DLGAP1: variants seen among roughly 807,000 people sequenced by gnomAD.
DLGAP1 encodes the protein disks large-associated protein 1.
A neutral mutation model predicts 90.8 loss-of-function variants in DLGAP1; 11 were observed. That is an observed-to-expected ratio of 0.12 (90% CI 0.08 to 0.20). The LOEUF (loss-of-function observed/expected upper bound fraction) is 0.20, where lower values mean the gene tolerates loss of function less well. DLGAP1 is among the 10% of genes least tolerant of loss of function. The pLI, the probability that DLGAP1 is intolerant of heterozygous loss-of-function variation, is 1.00. For synonymous variants in DLGAP1, 558 were observed against 540.7 expected (o/e 1.03, Z -0.44); for missense variants, 1,050 against 1,333.8 (o/e 0.79, Z 3.31).
intron 3 of DLGAP1, among the ~76,000 whole-genome samples, chr18:3,939,627 T>C (rs78189754): frequency 0.011 from 1,692 of 152,314 alleles, 36 homozygotes; most frequent in African/African-American, 0.039. Context: ...GATACATATC[T>C]ACATATCTGC....
At chr18:4,432,537 T>C (rs985630896) in intron 1 of DLGAP1, among the ~76,000 whole-genome samples, 1 of 152,014 alleles carries the variant, frequency 6.6e-6, no homozygotes, top group South Asian at 2.1e-4. Context: ...TTTTGATATA[T>C]GTGTCCACTG....
chr18:3,898,604 A>G (rs1295576411), intron 3 of DLGAP1, among the ~76,000 whole-genome samples: 2 of 152,202 alleles, frequency 1.3e-5, no homozygotes, highest in African/African-American at 4.8e-5. Flanking sequence ...CATAAATTGC[A>G]TACAGCACAG....
chr18:4,235,719 C>CTTTTTTTTTTTTTTTTTTTTTTT (rs1175101805), intron 1 of DLGAP1, among the ~76,000 whole-genome samples: 1 of 80,270 alleles, frequency 1.2e-5, no homozygotes, highest in African/African-American at 5.0e-5. Flanking sequence ...ATTTCAATGT[C>CTTTTTTTTTTTTTTTTTTTTTTT]TTTTTTTTTT....
At chr18:3,996,718 C>T (rs896423800) in intron 3 of DLGAP1, among the ~76,000 whole-genome samples, 9 of 151,954 alleles carry the variant, frequency 5.9e-5, no homozygotes, top group Admixed American at 3.3e-4. Flanking sequence ...ATTCCTCTAT[C>T]TGAATAAACT....
intron 8 of DLGAP1, among the ~76,000 whole-genome samples, chr18:3,578,661 T>C (rs909543407): frequency 1.3e-5 from 2 of 151,862 alleles, no homozygotes; most frequent in African/African-American, 4.8e-5. Context: ...GGCCATTTTT[T>C]TTTTTTCTTA....
chr18:3,904,230 G>C (rs918184513), intron 3 of DLGAP1, among the ~76,000 whole-genome samples: 1 of 152,154 alleles, frequency 6.6e-6, no homozygotes, highest in Non-Finnish European at 1.5e-5. Flanking sequence ...CCAGAACAAG[G>C]GCCAAATAGG....
intron 7 of DLGAP1, among the ~76,000 whole-genome samples, chr18:3,583,162 C>A (rs1402046982): frequency 7.3e-6 from 1 of 136,668 alleles, no homozygotes; most frequent in Admixed American, 7.2e-5. Flanking sequence ...ACCTACCTAC[C>A]TACCTACCTA....
rs563595387 is a variant in DLGAP1, at chr18:4,300,547, G to T, written c.-266-149260C>A. ...ATACTCTAGAAATTTTTTTATATTT[G>T]TTTTAAGCCTTACAGCCACACTAAC... is the stretch of plus-strand genomic sequence containing the variant. On this transcript the variant is annotated intron_variant, in intron 1 of 12. Coordinates refer to ENST00000315677, the MANE Select transcript of DLGAP1 (RefSeq NM_004746.4). Among the ~76,000 whole-genome samples the T allele has an allele frequency of 2.3e-3, 345 of 151,956 alleles. 2 individuals carry two copies. The highest frequency in any genetic ancestry group is 7.9e-3 in the African/African-American group (328 of 41,466).
At chr18:3,598,965 G>A (rs775867560) in intron 7 of DLGAP1, among the ~76,000 whole-genome samples, 3 of 151,038 alleles carry the variant, frequency 2.0e-5, no homozygotes, top group African/African-American at 7.3e-5. Flanking sequence ...TAGAGATGGG[G>A]GTTTCACCAT....
chr18:4,328,769 C>T (rs899002909), intron 1 of DLGAP1, among the ~76,000 whole-genome samples: 2 of 151,890 alleles, frequency 1.3e-5, no homozygotes, highest in African/African-American at 2.4e-5. Context: ...ATTGTGATTT[C>T]CATTTGCATT....
At chr18:4,386,449 A>C (rs567392724) in intron 1 of DLGAP1, among the ~76,000 whole-genome samples, 2 of 152,366 alleles carry the variant, frequency 1.3e-5, no homozygotes, top group East Asian at 3.9e-4. Flanking sequence ...ATTACAGTCC[A>C]CTGGATATGG....
At chr18:4,423,408 G>A (rs1285400325) in intron 1 of DLGAP1, among the ~76,000 whole-genome samples, 1 of 152,128 alleles carries the variant, frequency 6.6e-6, no homozygotes, top group African/African-American at 2.4e-5. Context: ...GTAATTCACT[G>A]TATGACTCTC....
At chr18:3,811,421 T>TAGGAAA (rs1174158268) in intron 5 of DLGAP1, among the ~76,000 whole-genome samples, 1 of 152,130 alleles carries the variant, frequency 6.6e-6, no homozygotes, top group Non-Finnish European at 1.5e-5. Flanking sequence ...CCGTCTTACA[T>TAGGAAA]AAACATAGGA....
chr18:3,765,122 TTTTTTTTC>T (rs1451120992), intron 5 of DLGAP1, among the ~76,000 whole-genome samples: 1,371 of 136,006 alleles, frequency 0.01, 61 homozygotes, highest in African/African-American at 0.038. Flanking sequence ...GCAAACTTTT[TTTTTTTTC>T]TTTTTTTTTT....
rs148110255 is a variant in DLGAP1, at chr18:4,296,095, T to C, written c.-266-144808A>G. ...CTTCTCATTTCATCATCTGGGATCT[T>C]AGCAAATATACAACATTCAAGCAAC... On this transcript the variant is annotated intron_variant, in intron 1 of 12. Transcript: ENST00000315677. Among the ~76,000 whole-genome samples, 5 of 152,328 alleles carry C rather than the reference T, an allele frequency of 3.3e-5. No homozygotes were observed. In the East Asian group the frequency reaches 5.8e-4, roughly 18 times the overall value.
chr18:4,404,650 A>G (rs554506419), intron 1 of DLGAP1, among the ~76,000 whole-genome samples: 29 of 152,370 alleles, frequency 1.9e-4, no homozygotes, highest in African/African-American at 6.7e-4. Flanking sequence ...CTTATTCTAC[A>G]TAATTTTTTT....
chr18:3,996,175 TTG>T (rs1321566974), intron 3 of DLGAP1, among the ~76,000 whole-genome samples: 1 of 152,114 alleles, frequency 6.6e-6, no homozygotes, highest in African/African-American at 2.4e-5. Context: ...CTAAGTGGCT[TTG>T]TATTATGTTT....
intron 1 of DLGAP1, among the ~76,000 whole-genome samples, chr18:4,299,366 C>G (rs2080068913): frequency 1.3e-5 from 2 of 152,152 alleles, no homozygotes; most frequent in African/African-American, 4.8e-5. Flanking sequence ...TTGAAGAAAT[C>G]ACTTTCATGT....
In DLGAP1 at chr18:4,093,065, C is replaced by G. The variant is rs376002251; in HGVS notation, c.-159+58115G>C. On this transcript the variant is annotated intron_variant, in intron 2 of 12. Coordinates refer to ENST00000315677, the MANE Select transcript of DLGAP1 (RefSeq NM_004746.4). ...CTCAGCTCTTTGATGGGTTTAAGAA[C>G]ATTTATGACATGGTAGTTTATCTTG... Among the ~76,000 whole-genome samples the G allele has an allele frequency of 4.2e-4, 64 of 152,236 alleles. 1 individual carries two copies. The highest frequency in any genetic ancestry group is 1.3e-3 in the African/African-American group (54 of 41,556).
Sources: gnomAD v4.1 joint callset for allele counts (sites outside exome capture counted in the v4.1 genomes callset) on GRCh38, gnomAD v4.1.1 for gene constraint, MANE v1.5 for transcripts, NCBI Gene and HGNC (gene_info 2026-07-23, HGNC 2026-07-21) for gene names.